The following LARP4B variants were observed in gnomAD, a reference collection of about 807,000 sequenced individuals.
LARP4B encodes la-related protein 4B.
A neutral mutation model predicts 89.8 loss-of-function variants in LARP4B; 12 were observed. The observed-to-expected ratio is 0.13, with a 90% confidence interval of 0.09 to 0.22. LARP4B has a LOEUF of 0.22. Among genes scored for constraint, LARP4B ranks in the 10% least tolerant of loss-of-function variants. LARP4B has a pLI of 1.00. For synonymous variants in LARP4B, 367 were observed against 363.3 expected (o/e 1.01, Z -0.12); for missense variants, 757 against 947.7 (o/e 0.80, Z 2.64).
At chr10:833,343 TGGGC>T (rs1160095959) in intron 8 of LARP4B, among the ~76,000 whole-genome samples, 2 of 145,472 alleles carry the variant, frequency 1.4e-5, no homozygotes, top group Non-Finnish European at 3.0e-5. Flanking sequence ...AAAGCCGTCC[TGGGC>T]GGCATGCCGC....
intron 5 of LARP4B, among the ~76,000 whole-genome samples, chr10:848,753 C>T (rs1460240750): frequency 6.6e-6 from 1 of 152,028 alleles, no homozygotes; most frequent in African/African-American, 2.4e-5. Context: ...CAGCAAGCTG[C>T]GGACAACATC....
chr10:973,935 G>C, the LARP4B span, among the ~76,000 whole-genome samples: 1 of 152,102 alleles, frequency 6.6e-6, no homozygotes, highest in Non-Finnish European at 1.5e-5. Context: ...CCTAACTCTG[G>C]TCCATGACCT....
chr10:815,398 G>A, intron 15 of LARP4B: 1 of 188,284 alleles, frequency 5.3e-6, no homozygotes. Flanking sequence ...GCCCAGCACG[G>A]CACGGCACAA....
the LARP4B span, among the ~76,000 whole-genome samples, chr10:948,481 T>C: frequency 2.0e-5 from 3 of 152,162 alleles, no homozygotes; most frequent in African/African-American, 4.8e-5. Context: ...CTCCTGACCT[T>C]AGGTGATCCA....
At chr10:947,874 C>T in the LARP4B span, among the ~76,000 whole-genome samples, 14 of 152,134 alleles carry the variant, frequency 9.2e-5, no homozygotes, top group South Asian at 2.1e-4. Flanking sequence ...CTGCCCACCT[C>T]GGCCTCCAAA....
intron 7 of LARP4B, among the ~76,000 whole-genome samples, chr10:836,813 T>C (rs1359248051): frequency 6.6e-6 from 1 of 152,216 alleles, no homozygotes; most frequent in Non-Finnish European, 1.5e-5. Context: ...GATAATCTTG[T>C]TTCATAACTT....
At chr10:969,613 C>T in the LARP4B span, among the ~76,000 whole-genome samples, 3 of 152,058 alleles carry the variant, frequency 2.0e-5, no homozygotes, top group Non-Finnish European at 4.4e-5. Context: ...GCCTGTAGTC[C>T]CAGTTACTCA....
the LARP4B span, among the ~76,000 whole-genome samples, chr10:965,647 G>A: frequency 2.0e-5 from 3 of 151,816 alleles, no homozygotes; most frequent in Non-Finnish European, 2.9e-5. Context: ...TTACATAATC[G>A]ATGAAACGGT....
At chr10:920,646 C>G (rs895570452) in intron 1 of LARP4B, among the ~76,000 whole-genome samples, 4 of 151,986 alleles carry the variant, frequency 2.6e-5, no homozygotes, top group African/African-American at 9.7e-5. Context: ...TGGTGACGTG[C>G]CTGTAGTCCT....
At chr10:912,746 G>A (rs533108261) in intron 1 of LARP4B, among the ~76,000 whole-genome samples, 2 of 151,562 alleles carry the variant, frequency 1.3e-5, no homozygotes, top group Middle Eastern at 3.4e-3. Flanking sequence ...AAAAATTAGC[G>A]GGGCATGGTG....
intron 7 of LARP4B, among the ~76,000 whole-genome samples, chr10:837,322 T>C (rs1392069297): frequency 6.6e-6 from 1 of 152,164 alleles, no homozygotes; most frequent in Non-Finnish European, 1.5e-5. Flanking sequence ...CAAAAGAACA[T>C]TTTAAAGACC....
the LARP4B span, among the ~76,000 whole-genome samples, chr10:966,302 A>T: frequency 5.9e-5 from 9 of 152,226 alleles, no homozygotes; most frequent in East Asian, 1.5e-3. Context: ...AAAAAATTTT[A>T]AAAAATAGCT....
At chr10:980,088 G>A in the LARP4B span, among the ~76,000 whole-genome samples, 1 of 152,362 alleles carries the variant, frequency 6.6e-6, no homozygotes, top group East Asian at 1.9e-4. Context: ...CCTAGCAGGA[G>A]TCATTAAATC....
At chr10:820,679 T>A (rs1832306240) in intron 14 of LARP4B, 121 bp downstream of exon 14, 8 of 896,312 alleles carry the variant, frequency 8.9e-6, no homozygotes, top group African/African-American at 1.7e-5. Context: ...GGATTTCACG[T>A]TACAAGTCTT....
chr10:831,555 A>G (rs991689442), intron 8 of LARP4B, among the ~76,000 whole-genome samples: 6 of 152,216 alleles, frequency 3.9e-5, no homozygotes, highest in African/African-American at 1.4e-4. Flanking sequence ...AGCCTGGGAA[A>G]CAACCGCCTG....
the LARP4B span, among the ~76,000 whole-genome samples, chr10:982,116 CTTT>C: frequency 2.2e-5 from 1 of 46,012 alleles, no homozygotes; most frequent in Non-Finnish European, 4.3e-5. Context: ...TTCTTTCTTT[CTTT>C]TTTTTTTTTT....
the LARP4B span, among the ~76,000 whole-genome samples, chr10:955,785 T>C: frequency 7.9e-5 from 12 of 152,148 alleles, no homozygotes; most frequent in African/African-American, 2.7e-4. The surrounding 1 kb of genome is among the most constrained non-coding windows in gnomAD (Gnocchi z 5.2). Flanking sequence ...AACTTGAAAC[T>C]GCACTGTTAA....
chr10:892,694 C>A (rs1040754861), intron 1 of LARP4B, among the ~76,000 whole-genome samples: 12 of 151,932 alleles, frequency 7.9e-5, no homozygotes, highest in African/African-American at 2.9e-4. Flanking sequence ...CGCCGGCCAC[C>A]ACACCCAGCT....
At chr10:887,307 A>C (rs1835886574) in intron 1 of LARP4B, among the ~76,000 whole-genome samples, 1 of 152,144 alleles carries the variant, frequency 6.6e-6, no homozygotes, top group Non-Finnish European at 1.5e-5. Flanking sequence ...ACACAAAAGA[A>C]GGGTAAAACT....
Sources: allele counts gnomAD v4.1 joint callset (sites outside exome capture counted in the v4.1 genomes callset), GRCh38; gene constraint gnomAD v4.1.1; non-coding constraint Gnocchi (gnomAD v3.1); transcripts MANE v1.5; gene names NCBI Gene and HGNC (gene_info 2026-07-23, HGNC 2026-07-21).